Variants in CEMIP2 observed in about 807,000 individuals in gnomAD.
CEMIP2 encodes cell surface hyaluronidase CEMIP2.
CEMIP2 carries 79 observed loss-of-function variants against 146.9 expected under a neutral mutation model. The observed-to-expected ratio is 0.54, with a 90% CI of 0.45 to 0.65. CEMIP2 has a LOEUF of 0.65. Among genes scored for constraint, CEMIP2 ranks in the 30% least tolerant of loss-of-function variants. The pLI, the probability that CEMIP2 is intolerant of heterozygous loss-of-function variation, is 0.00. For missense variants in CEMIP2, 1,596 were observed against 1,696.2 expected, an observed-to-expected ratio of 0.94 and a Z score of 1.04; for synonymous variants, 601 against 606.3, an observed-to-expected ratio of 0.99 and a Z score of 0.13.
chr9:71,694,359 ATGATC>A, intron 21 of CEMIP2, 145 bp downstream of exon 21: 1 of 576,518 alleles, frequency 1.7e-6, no homozygotes, highest in Non-Finnish European at 3.2e-6. Context: ...ATCTAACCTT[ATGATC>A]TGCCCACCTT....
rs1328268640 is a variant in CEMIP2 at position 71,750,148 on chromosome 9, G to C, written c.226C>G (p.Gln76Glu). 2 of 1,613,904 alleles carry C rather than the reference G, an allele frequency of 1.2e-6. No homozygotes were observed. Among genetic ancestry groups the C allele is most frequent in the Admixed American group, 3.3e-5 (2 of 60,018 alleles). ...EQQAQRESQKQKRHKNTFICF... is the reference protein window; with the variant it reads ...EQQAQRESQKEKRHKNTFICF... Reference sequence around the variant, plus strand: ...ATGAAAGTATTTTTGTGTCTCTTTTGCTTTTGACTTTCTCTCTGGGCTTGC... The same window carrying C: ...ATGAAAGTATTTTTGTGTCTCTTTTCCTTTTGACTTTCTCTCTGGGCTTGC... Residue 76 changes from glutamine to glutamate, a missense_variant, in exon 2 of 24, where the codon CAA becomes GAA. Coordinates refer to ENST00000377044, the MANE Select transcript of CEMIP2 (RefSeq NM_013390.3).
At chr9:71,709,516 C>A in intron 16 of CEMIP2, 42 bp from the exon 17 acceptor site, 1 of 1,544,934 alleles carries the variant, frequency 6.5e-7, no homozygotes, top group Non-Finnish European at 8.9e-7. Flanking sequence ...AGTGAGGGCT[C>A]CTGCTATCTC....
intron 1 of CEMIP2, among the ~76,000 whole-genome samples, chr9:71,764,918 C>T (rs55877915): frequency 1.7e-3 from 165 of 99,324 alleles, no homozygotes; most frequent in Middle Eastern, 5.0e-3. Flanking sequence ...AGCTTTTCTT[C>T]CTTTTTTTTT....
chr9:71,753,544 T>C lies in CEMIP2; in HGVS notation c.-12-3159A>G, dbSNP rs953254561. On this transcript the variant is annotated intron_variant, in intron 1 of 23. Transcript: ENST00000377044. ...TGTGTATACACATGTTCTGAATCCA[T>C]TACCTCTACTTTATTGAAAAATATG... Among the ~76,000 whole-genome samples the C allele has an allele frequency of 3.3e-5, 5 of 152,296 alleles. No homozygotes were observed. In the East Asian group the frequency reaches 9.6e-4, roughly 29 times the overall value.
intron 4 of CEMIP2, among the ~76,000 whole-genome samples, chr9:71,742,779 A>T (rs928088395): frequency 6.6e-6 from 1 of 152,378 alleles, no homozygotes; most frequent in Middle Eastern, 3.4e-3. Flanking sequence ...TATATATTAT[A>T]GAAATACATG....
At chr9:71,733,443 T>G (rs1212186713) in intron 6 of CEMIP2, among the ~76,000 whole-genome samples, 1 of 152,194 alleles carries the variant, frequency 6.6e-6, no homozygotes, top group African/African-American at 2.4e-5. Flanking sequence ...GGGGTTTTTT[T>G]GTTGGGGCAG....
At chr9:71,692,888 G>T (rs930763170) in intron 21 of CEMIP2, among the ~76,000 whole-genome samples, 1 of 151,388 alleles carries the variant, frequency 6.6e-6, no homozygotes, top group African/African-American at 2.4e-5. Flanking sequence ...GGTGAAGAGG[G>T]AGACCCTGTC....
Position 71,685,170 on chromosome 9 carries a change from C to T in CEMIP2, c.*27G>A, listed in dbSNP as rs528658308. On this transcript the variant is annotated 3_prime_UTR_variant, in exon 24 of 24. Coordinates refer to ENST00000377044, the MANE Select transcript of CEMIP2 (RefSeq NM_013390.3). The stretch of plus-strand genomic sequence containing the variant: ...AATAAGTTAGTTCACATTTTTTTTC[C>T]CCCAGCACTTAAGTTACAGTTAGTC... 12 of 1,543,712 alleles carry T rather than the reference C, an allele frequency of 7.8e-6. No homozygotes were observed. The highest frequency in any genetic ancestry group is 2.8e-5 in the African/African-American group (2 of 71,844).
At chr9:71,716,799 T>C (rs965587239) in intron 13 of CEMIP2, among the ~76,000 whole-genome samples, 1 of 152,204 alleles carries the variant, frequency 6.6e-6, no homozygotes, top group African/African-American at 2.4e-5. Flanking sequence ...CCTCTATCTC[T>C]CACTTTTCCC....
At chr9:71,734,105 C>T (rs2131976555) in intron 6 of CEMIP2, among the ~76,000 whole-genome samples, 1 of 152,282 alleles carries the variant, frequency 6.6e-6, no homozygotes, top group East Asian at 1.9e-4. Flanking sequence ...GCCTCAGCCT[C>T]CCAAAGTGCT....
At chr9:71,687,517 C>T (rs891322522) in intron 22 of CEMIP2, 2 of 150,168 alleles carry the variant, frequency 1.3e-5, no homozygotes, top group African/African-American at 4.9e-5. Flanking sequence ...CTCACTCTTT[C>T]AAAAACTTTA....
At chr9:71,741,403 G>T (rs1564020094) in intron 4 of CEMIP2, among the ~76,000 whole-genome samples, 1 of 151,202 alleles carries the variant, frequency 6.6e-6, no homozygotes, top group Admixed American at 6.6e-5. Flanking sequence ...CTCCATGTTG[G>T]TCAGGCTGGT....
intron 2 of CEMIP2, among the ~76,000 whole-genome samples, chr9:71,747,728 T>A (rs1030533994): frequency 6.6e-6 from 1 of 152,134 alleles, no homozygotes; most frequent in Non-Finnish European, 1.5e-5. Flanking sequence ...AAAAAATGAT[T>A]CCTCATTTTG....
In CEMIP2 at chr9:71,722,391, T is replaced by C. The variant is rs368021923; in HGVS notation, c.2267+36A>G. 3 of 1,545,128 alleles carry C rather than the reference T, an allele frequency of 1.9e-6. No homozygotes were observed. In the African/African-American group the frequency reaches 4.1e-5, roughly 21 times the overall value. ...GTTAGAAAGTTTTGCTTTGGCAAAG[T>C]ATAGCTTGAGTGTGACTTAAAAGAG... On this transcript the variant is annotated intron_variant, in intron 12 of 23. Transcript: ENST00000377044.
intron 10 of CEMIP2, among the ~76,000 whole-genome samples, chr9:71,728,257 A>C (rs1823468431): frequency 5.1e-5 from 1 of 19,616 alleles, no homozygotes; most frequent in Non-Finnish European, 1.3e-4. Context: ...ATATGTATAT[A>C]CACGTATATA....
chr9:71,730,281 A>T, intron 8 of CEMIP2, 28 bp from the exon 9 acceptor site: 2 of 1,596,726 alleles, frequency 1.3e-6, no homozygotes, highest in African/African-American at 1.3e-5. Context: ...TATTAATGTC[A>T]TTGGTAACAA....
intron 2 of CEMIP2, among the ~76,000 whole-genome samples, chr9:71,746,735 T>G (rs902636736): frequency 6.6e-6 from 1 of 152,048 alleles, no homozygotes; most frequent in African/African-American, 2.4e-5. Context: ...CACAACATCC[T>G]GGTAAATCAA....
rs139264842 is a variant in CEMIP2, at chr9:71,709,283, C to G, written c.2961G>C (p.Val987=). 394 of 1,614,058 alleles carry G rather than the reference C, an allele frequency of 2.4e-4. No homozygotes were observed. The highest frequency in any genetic ancestry group is 3.0e-4 in the Non-Finnish European group (359 of 1,180,020). ...SCVNVSKWNA[V]ICSGTYAQVY... ...CCTGTGCATAGGTCCCACTGCAGATCACTGCATTCCACTTAGACACATTTA... is the reference window on the plus strand; with the variant it reads ...CCTGTGCATAGGTCCCACTGCAGATGACTGCATTCCACTTAGACACATTTA... Residue 987 remains valine, a synonymous_variant, in exon 17 of 24, where the codon GTG becomes GTC. Transcript: ENST00000377044.
At chr9:71,698,295 T>C in intron 19 of CEMIP2, 91 bp from the exon 20 acceptor site, 1 of 1,009,528 alleles carries the variant, frequency 9.9e-7, no homozygotes, top group Non-Finnish European at 1.5e-6. Context: ...AAAGGGATAT[T>C]CCTCCAATTA....
Sources: gnomAD v4.1 joint callset for allele counts (sites outside exome capture counted in the v4.1 genomes callset) on GRCh38, gnomAD v4.1.1 for gene constraint, MANE v1.5 for transcripts, NCBI Gene and HGNC (gene_info 2026-07-23, HGNC 2026-07-21) for gene names.